TLL1: variants seen among roughly 807,000 people sequenced by gnomAD.
TLL1 encodes tolloid-like protein 1.
In TLL1, 49 loss-of-function variants were observed where a neutral mutation model predicts 128.2. That is an observed-to-expected ratio of 0.38 (90% CI 0.30 to 0.48). The LOEUF (loss-of-function observed/expected upper bound fraction) is 0.48, where lower values mean the gene tolerates loss of function less well. Ranked by LOEUF, TLL1 falls within the 20% of genes least tolerant of loss-of-function variation. The pLI, the probability that TLL1 is intolerant of heterozygous loss-of-function variation, is 0.96. For synonymous variants in TLL1, 454 were observed against 418.8 expected, an observed-to-expected ratio of 1.08 and a Z score of -1.03; for missense variants, 1,123 against 1,242.0, an observed-to-expected ratio of 0.90 and a Z score of 1.44.
At chr4:166,030,698 G>A in intron 9 of TLL1, 1 of 1,121,738 alleles carries the variant, frequency 8.9e-7, no homozygotes, top group Non-Finnish European at 1.1e-6. Flanking sequence ...TTGTACATGT[G>A]GATATCCAGT....
Position 166,004,531 on chromosome 4 carries a change from A to C in TLL1, c.811+962A>C, listed in dbSNP as rs1307870087. On this transcript the variant is annotated intron_variant, in intron 6 of 20. Transcript: ENST00000061240. ...GTGAGAAAAGTGACAGTAATTAGTA[A>C]TATATGTTGAAAATACCATAGAGTC... Among the ~76,000 whole-genome samples, 4 of 152,088 alleles carry C rather than the reference A, an allele frequency of 2.6e-5. No homozygotes were observed. In the East Asian group the frequency reaches 7.7e-4, roughly 29 times the overall value.
At chr4:166,021,432 C>CTTTT (rs113942126) in intron 8 of TLL1, among the ~76,000 whole-genome samples, 3 of 120,448 alleles carry the variant, frequency 2.5e-5, no homozygotes, top group South Asian at 2.7e-4. Flanking sequence ...TTATTTTTGC[C>CTTTT]TTTTTTTTTT....
rs1373648610 is a variant in TLL1, at chr4:165,994,562, A to G, written c.514+29A>G. On this transcript the variant is annotated intron_variant, in intron 4 of 20. Transcript: ENST00000061240. ...AGATACTCCCAGCATGTCTGTTTTCATAAAGAAATAAAAACTATCATACAG... is the reference window on the plus strand; with the variant it reads ...AGATACTCCCAGCATGTCTGTTTTCGTAAAGAAATAAAAACTATCATACAG... 2.5e-6 allele frequency: 4 copies of G among 1,611,808 alleles called. No individual in the cohort carries two copies. The African/African-American group carries it at 4.0e-5, about 16-fold the overall frequency.
chr4:166,019,457 C>A (rs1415047151), intron 8 of TLL1, among the ~76,000 whole-genome samples: 1 of 152,012 alleles, frequency 6.6e-6, no homozygotes, highest in Non-Finnish European at 1.5e-5. Context: ...GAAATGCTGG[C>A]AAATGAAGCC....
chr4:165,919,569 A>G (rs1006143897), intron 1 of TLL1, among the ~76,000 whole-genome samples: 1 of 152,002 alleles, frequency 6.6e-6, no homozygotes, highest in African/African-American at 2.4e-5. Context: ...AATTATTTGG[A>G]ATATGGAGTT....
intron 1 of TLL1, among the ~76,000 whole-genome samples, chr4:165,963,672 G>A (rs1219612581): frequency 6.6e-6 from 1 of 152,140 alleles, no homozygotes; most frequent in African/African-American, 2.4e-5. Flanking sequence ...GACCATAATT[G>A]TCTATAATTT....
intron 16 of TLL1, among the ~76,000 whole-genome samples, chr4:166,066,790 C>T (rs535715444): frequency 1.5e-4 from 23 of 151,800 alleles, no homozygotes; most frequent in Admixed American, 3.3e-4. Flanking sequence ...CCTCGGCTCC[C>T]GTGTTCTCAT....
At chr4:166,043,599 G>A (rs150720122) in intron 12 of TLL1, among the ~76,000 whole-genome samples, 180 bp downstream of exon 12, 13 of 152,236 alleles carry the variant, frequency 8.5e-5, no homozygotes, top group South Asian at 4.2e-4. Context: ...TTCTTTCCTC[G>A]TTTGGAGACG....
chr4:166,007,868 G>T (rs1404425124), intron 6 of TLL1, 75 bp from the exon 7 acceptor site: 1 of 891,256 alleles, frequency 1.1e-6, no homozygotes, highest in Non-Finnish European at 1.9e-6. Flanking sequence ...ACAGATGCAG[G>T]TGTAGGAAAG....
intron 5 of TLL1, among the ~76,000 whole-genome samples, chr4:166,001,863 A>G (rs1428531946): frequency 1.3e-5 from 2 of 152,180 alleles, no homozygotes; most frequent in East Asian, 3.8e-4. Flanking sequence ...AAATTTGCAG[A>G]AAGACATTCC....
chr4:166,071,340 C>A (rs897029395), intron 16 of TLL1, among the ~76,000 whole-genome samples: 1 of 151,828 alleles, frequency 6.6e-6, no homozygotes, highest in East Asian at 1.9e-4. Flanking sequence ...TGGAAGAATA[C>A]CCTCTTCCTT....
intron 2 of TLL1, among the ~76,000 whole-genome samples, chr4:165,989,953 T>C (rs1736563409): frequency 6.6e-6 from 1 of 151,824 alleles, no homozygotes; most frequent in Non-Finnish European, 1.5e-5. Flanking sequence ...GGATATTGAG[T>C]TGCAAAATGT....
chr4:165,980,571 T>G (rs975355255), intron 1 of TLL1, among the ~76,000 whole-genome samples: 2 of 152,128 alleles, frequency 1.3e-5, no homozygotes, highest in African/African-American at 4.8e-5. Context: ...TAGCACCAAA[T>G]GTACAGAACT....
chr4:165,977,470 A>C (rs1293701626), intron 1 of TLL1, among the ~76,000 whole-genome samples: 1 of 152,194 alleles, frequency 6.6e-6, no homozygotes, highest in Non-Finnish European at 1.5e-5. Flanking sequence ...TTTCCTTTAT[A>C]AATTACCCAG....
At chr4:166,048,623 G>A (rs1361648584) in intron 12 of TLL1, among the ~76,000 whole-genome samples, 1 of 152,144 alleles carries the variant, frequency 6.6e-6, no homozygotes, top group African/African-American at 2.4e-5. Flanking sequence ...TATTTTATTT[G>A]AGAATTTTCA....
intron 1 of TLL1, among the ~76,000 whole-genome samples, chr4:165,909,536 A>G (rs993534531): frequency 6.6e-6 from 1 of 152,152 alleles, no homozygotes; most frequent in Non-Finnish European, 1.5e-5. Flanking sequence ...GTTCTTGGAG[A>G]TGAGGAGGAA....
At chr4:166,061,277 G>T (rs868836924) in intron 15 of TLL1, among the ~76,000 whole-genome samples, 6 of 142,536 alleles carry the variant, frequency 4.2e-5, no homozygotes, top group Non-Finnish European at 9.1e-5. Context: ...ACAGAGTCTC[G>T]CTCTGTTGCC....
rs1232820335 is a variant in TLL1 at position 165,970,668 on chromosome 4, AAATT to A, written c.170-18711_170-18708del. 4.6e-5 allele frequency among the ~76,000 whole-genome samples: 7 copies of A among 152,178 alleles called. No individual in the cohort carries two copies. The East Asian group carries it at 5.8e-4, about 13-fold the overall frequency. On this transcript the variant is annotated intron_variant, in intron 1 of 20. Transcript: ENST00000061240. ...CCCGCATACTCTAAAATAAATAAAT[AAATT>A]ATTATTTAGTAATAAATGACACACG...
intron 1 of TLL1, among the ~76,000 whole-genome samples, chr4:165,928,246 A>C (rs1177696448): frequency 1.3e-5 from 2 of 152,220 alleles, no homozygotes; most frequent in Non-Finnish European, 2.9e-5. Flanking sequence ...TTGTCAAACA[A>C]TGTGCTCTAA....
Sources: gnomAD v4.1 joint callset for allele counts (sites outside exome capture counted in the v4.1 genomes callset) on GRCh38, gnomAD v4.1.1 for gene constraint, MANE v1.5 for transcripts, NCBI Gene and HGNC (gene_info 2026-07-23, HGNC 2026-07-21) for gene names.